Variants in DCLK2 observed in about 807,000 individuals in gnomAD.
DCLK2 encodes serine/threonine-protein kinase DCLK2.
In DCLK2, 31 loss-of-function variants were observed where a neutral mutation model predicts 78.4. That is an observed-to-expected ratio of 0.40 (90% CI 0.30 to 0.53). The LOEUF (loss-of-function observed/expected upper bound fraction) is 0.53. Ranked by LOEUF, DCLK2 falls within the 20% of genes least tolerant of loss-of-function variation. The pLI, the probability that DCLK2 is intolerant of heterozygous loss-of-function variation, is 0.61. For synonymous variants in DCLK2, 407 were observed against 374.9 expected, an observed-to-expected ratio of 1.09 and a Z score of -0.99; for missense variants, 872 against 973.7, an observed-to-expected ratio of 0.90 and a Z score of 1.39.
chr4:150,178,240 T>A (rs1737227324), intron 2 of DCLK2, among the ~76,000 whole-genome samples: 1 of 152,252 alleles, frequency 6.6e-6, no homozygotes, highest in African/African-American at 2.4e-5. Context: ...TATCTTGCTT[T>A]GAATTCTTCT....
At chr4:150,102,951 G>T (rs909911655) in intron 2 of DCLK2, 139 bp downstream of exon 2, 6 of 720,178 alleles carry the variant, frequency 8.3e-6, no homozygotes, top group Non-Finnish European at 1.1e-5. Context: ...GTGTGTGTGT[G>T]TATGTGTGTG....
chr4:150,198,387 C>T (rs892678871), intron 4 of DCLK2, among the ~76,000 whole-genome samples: 2 of 152,062 alleles, frequency 1.3e-5, no homozygotes, highest in African/African-American at 4.8e-5. Flanking sequence ...ACATTTTGAC[C>T]CCTGTATACT....
chr4:150,146,447 A>C (rs1734479840), intron 2 of DCLK2, among the ~76,000 whole-genome samples: 1 of 152,242 alleles, frequency 6.6e-6, no homozygotes, highest in South Asian at 2.1e-4. Flanking sequence ...CAATTGTGCT[A>C]ATTATTAATG....
intron 2 of DCLK2, among the ~76,000 whole-genome samples, chr4:150,164,135 C>T (rs979919409): frequency 5.9e-5 from 9 of 152,190 alleles, no homozygotes; most frequent in African/African-American, 2.2e-4. Context: ...AAAGTTGACC[C>T]TCAGTTTTCC....
At chr4:150,163,732 A>C (rs1265308702) in intron 2 of DCLK2, among the ~76,000 whole-genome samples, 1 of 152,240 alleles carries the variant, frequency 6.6e-6, no homozygotes, top group East Asian at 1.9e-4. Context: ...GCTCAAGATT[A>C]TATGTTTTAG....
intron 2 of DCLK2, among the ~76,000 whole-genome samples, chr4:150,127,105 A>G (rs780698976): frequency 6.6e-6 from 1 of 152,238 alleles, no homozygotes; most frequent in Non-Finnish European, 1.5e-5. Flanking sequence ...TGATCTCAAT[A>G]TATCTCATTA....
At chr4:150,243,767 C>T (rs1580787488) in intron 12 of DCLK2, among the ~76,000 whole-genome samples, 2 of 151,360 alleles carry the variant, frequency 1.3e-5, no homozygotes, top group East Asian at 3.9e-4. Context: ...GCTCTGTCAC[C>T]CAGGCTGGTG....
At chr4:150,185,419 A>AC (rs1737851744) in intron 2 of DCLK2, among the ~76,000 whole-genome samples, 2 of 146,904 alleles carry the variant, frequency 1.4e-5, no homozygotes, top group South Asian at 4.3e-4. Flanking sequence ...CATGCATAGT[A>AC]TTTTTTTTTT....
chr4:150,145,879 G>A (rs918140333), intron 2 of DCLK2, among the ~76,000 whole-genome samples: 1 of 152,132 alleles, frequency 6.6e-6, no homozygotes, highest in Non-Finnish European at 1.5e-5. Context: ...AAAATGTAGA[G>A]TATCAAAGCT....
At chr4:150,135,712 C>G (rs1189913125) in intron 2 of DCLK2, among the ~76,000 whole-genome samples, 1 of 152,182 alleles carries the variant, frequency 6.6e-6, no homozygotes, top group Non-Finnish European at 1.5e-5. Context: ...GTTAATAAGA[C>G]AAAGTGTCTG....
intron 2 of DCLK2, among the ~76,000 whole-genome samples, chr4:150,148,381 C>CTT (rs77831799): frequency 1.5e-5 from 2 of 136,878 alleles, no homozygotes; most frequent in African/African-American, 2.7e-5. Flanking sequence ...AAATTCATGT[C>CTT]TTTTTTTTTT....
At position 150,180,628 on chromosome 4, in the gene DCLK2, T is replaced by C. The variant is rs965490246; in HGVS notation, c.757-12510T>C. Among the ~76,000 whole-genome samples, 5 of 152,084 alleles carry C rather than the reference T, an allele frequency of 3.3e-5. No homozygotes were observed. The South Asian group carries it at 8.3e-4, about 25-fold the overall frequency. ...TGAGTTCTTCTAAAACTTTGCTCTA[T>C]TGGGGCGCAGAACACAATACCCCAA... On this transcript the variant is annotated intron_variant, in intron 2 of 15. Transcript: ENST00000296550.
intron 2 of DCLK2, among the ~76,000 whole-genome samples, chr4:150,183,748 T>A (rs1737702674): frequency 6.6e-6 from 1 of 151,892 alleles, no homozygotes; most frequent in East Asian, 1.9e-4. Flanking sequence ...TTTTTTTTTT[T>A]TTGGAGACAG....
At chr4:150,083,196 A>G (rs1729423859) in intron 1 of DCLK2, among the ~76,000 whole-genome samples, 1 of 152,242 alleles carries the variant, frequency 6.6e-6, no homozygotes, top group Non-Finnish European at 1.5e-5. Context: ...TCCAGATAAC[A>G]ATCACAGAAT....
intron 2 of DCLK2, among the ~76,000 whole-genome samples, chr4:150,175,907 A>G (rs1038626967): frequency 2.6e-5 from 4 of 151,396 alleles, no homozygotes; most frequent in African/African-American, 2.4e-5. Context: ...TCTTCTGTCC[A>G]TAATAGAGCT....
chr4:150,088,494 A>C (rs993457349), intron 1 of DCLK2, among the ~76,000 whole-genome samples: 1 of 151,690 alleles, frequency 6.6e-6, no homozygotes, highest in African/African-American at 2.4e-5. Flanking sequence ...ACATTTTATA[A>C]CTAGAGACAG....
intron 6 of DCLK2, among the ~76,000 whole-genome samples, chr4:150,221,213 A>G (rs559032363): frequency 2.6e-5 from 4 of 152,298 alleles, no homozygotes; most frequent in South Asian, 4.1e-4. Context: ...TTAACAAGGC[A>G]TCTATCTTAT....
intron 2 of DCLK2, among the ~76,000 whole-genome samples, chr4:150,164,292 G>A (rs1370192662): frequency 6.6e-6 from 1 of 152,188 alleles, no homozygotes; most frequent in East Asian, 1.9e-4. Flanking sequence ...TAAGTGGTCT[G>A]GGTTGGGCCT....
rs769591993 is a variant in DCLK2 at position 150,256,217 on chromosome 4, G to A, written c.2271G>A (p.Arg757=). ...CTCCCGCTGCCCCGGGTGGTGAGCG[G>A]GCAGGAACCTGGCGCCGCCACCGAG... ...HPPPAAPGGE[R]AGTWRRHRD is the part of the protein sequence containing the mutation. Residue 757 remains arginine, a synonymous_variant, in exon 16 of 16, where the codon CGG becomes CGA. Transcript: ENST00000296550. 27 of 1,524,270 alleles carry A rather than the reference G, an allele frequency of 1.8e-5. No individual in the cohort carries two copies. In the South Asian group the frequency reaches 2.1e-4, roughly 12 times the overall value. 94.4% of individuals were successfully genotyped at this position (1,524,270 alleles called of 1,614,324 possible).
Sources: gnomAD v4.1 joint callset for allele counts (sites outside exome capture counted in the v4.1 genomes callset) on GRCh38, gnomAD v4.1.1 for gene constraint, MANE v1.5 for transcripts, NCBI Gene and HGNC (gene_info 2026-07-23, HGNC 2026-07-21) for gene names.